The following CALHM4 variants were observed in gnomAD, a reference collection of about 807,000 sequenced individuals.
CALHM4 encodes calcium homeostasis modulator family member 4, also known as calcium homeostasis modulator protein 4.
A neutral mutation model predicts 13.3 loss-of-function variants in CALHM4; 16 were observed. That is an observed-to-expected ratio of 1.20 (90% CI 0.81 to 1.82). CALHM4 has a LOEUF of 1.82. Among genes scored for constraint, CALHM4 ranks in the 40% most tolerant of loss-of-function variants. The pLI, the probability that CALHM4 is intolerant of heterozygous loss-of-function variation, is 0.00. For synonymous variants in CALHM4, 127 were observed against 137.1 expected, an observed-to-expected ratio of 0.93 and a Z score of 0.52; for missense variants, 344 against 374.9, an observed-to-expected ratio of 0.92 and a Z score of 0.68.
chr6:116,557,596 T>C (rs192741062), intron 1 of CALHM4, among the ~76,000 whole-genome samples: 193 of 152,344 alleles, frequency 1.3e-3, no homozygotes, highest in African/African-American at 4.1e-3. Flanking sequence ...ACTGGTCAAA[T>C]TTCTTTGTAA....
intron 1 of CALHM4, among the ~76,000 whole-genome samples, chr6:116,529,729 G>T (rs1470586419): frequency 6.6e-6 from 1 of 152,094 alleles, no homozygotes; most frequent in Non-Finnish European, 1.5e-5. Context: ...TTTTTGAGAG[G>T]ACCATCAGCA....
chr6:116,550,019 TATATATAC>T (rs1258563091), upstream of CALHM4, among the ~76,000 whole-genome samples: 21 of 74,384 alleles, frequency 2.8e-4, no homozygotes, highest in South Asian at 8.4e-4. Context: ...TATATATATA[TATATATAC>T]ACACACACAC....
chr6:116,535,608 C>T (rs1773025924), intron 1 of CALHM4, among the ~76,000 whole-genome samples: 1 of 152,132 alleles, frequency 6.6e-6, no homozygotes, highest in African/African-American at 2.4e-5. Context: ...TGCAATTGCA[C>T]TTTCTACTTT....
rs1348336621 is a variant in CALHM4, at chr6:116,558,235, G to A, written c.*24G>A. 1.3e-6 allele frequency: 2 copies of A among 1,584,480 alleles called. No individual in the cohort carries two copies. The highest frequency in any genetic ancestry group is 1.7e-6 in the Non-Finnish European group (2 of 1,166,564). ...GATTACAGCACCTTTCATGAGTCAG[G>A]TTGCTTAGCAGATACTTGGCTTTTA... is the stretch of plus-strand genomic sequence containing the variant. On this transcript the variant is annotated 3_prime_UTR_variant, in exon 2 of 2. Transcript: ENST00000368596.
chr6:116,530,902 CATATAT>C (rs10557481), intron 1 of CALHM4, among the ~76,000 whole-genome samples: 8,096 of 76,296 alleles, frequency 0.11, 295 homozygotes, highest in Non-Finnish European at 0.12. Flanking sequence ...AAGTGAGACT[CATATAT>C]ATATATATAT....
At chr6:116,545,203 T>C (rs898138020) in intron 2 of CALHM4, among the ~76,000 whole-genome samples, 9 of 151,886 alleles carry the variant, frequency 5.9e-5, no homozygotes, top group Non-Finnish European at 1.2e-4. Flanking sequence ...AATATTTTCA[T>C]ATTTTCTGTC....
At chr6:116,530,443 G>A (rs1583279278) in intron 1 of CALHM4, among the ~76,000 whole-genome samples, 1 of 152,270 alleles carries the variant, frequency 6.6e-6, no homozygotes, top group South Asian at 2.1e-4. Flanking sequence ...AGCCCCACAG[G>A]ATTAGATGAC....
chr6:116,552,218 T>G (rs9488967), upstream of CALHM4, among the ~76,000 whole-genome samples: 4,797 of 152,316 alleles, frequency 0.031, 251 homozygotes, highest in African/African-American at 0.11. Context: ...TCTTTATTGT[T>G]ATTGATGAGA....
upstream of CALHM4, among the ~76,000 whole-genome samples, chr6:116,550,007 TATATATATATATATATATAC>T (rs1439169497): frequency 0.022 from 2,937 of 131,674 alleles, 48 homozygotes; most frequent in Middle Eastern, 0.085. Flanking sequence ...TATATATATA[TATATATATATATATATATAC>T]ACACACACAC....
At chr6:116,556,122 A>T (rs937282552) in intron 1 of CALHM4, among the ~76,000 whole-genome samples, 8 of 152,064 alleles carry the variant, frequency 5.3e-5, no homozygotes, top group Admixed American at 4.6e-4. Flanking sequence ...AACTCTCTTT[A>T]CCTTCTTGCA....
rs534377105 is a variant in CALHM4 at position 116,540,379 on chromosome 6, A to G, written c.-108-3386A>G. Reference sequence around the variant, plus strand: ...CATAGTTACCTGGGCAATTATGTCTATAATTTCTGAATAACTATGGCATCT... The same window carrying G: ...CATAGTTACCTGGGCAATTATGTCTGTAATTTCTGAATAACTATGGCATCT... On this transcript the variant is annotated intron_variant, in intron 1 of 2. Transcript: ENST00000368597. 3.9e-5 allele frequency: 61 copies of G among 1,551,208 alleles called. No individual in the cohort carries two copies. In the East Asian group the frequency reaches 1.1e-3, roughly 27 times the overall value.
In CALHM4 at chr6:116,546,905, A is replaced by C. The variant is rs79069246; in HGVS notation, c.-1+3033A>C. ...GTGGAGAGTTTTTCAGTAGCAAATA[A>C]TAACGACTTATATGTATATCAAATT... On this transcript the variant is annotated intron_variant, in intron 2 of 2. Transcript: ENST00000368597. Among the ~76,000 whole-genome samples, 490 of 152,286 alleles carry C rather than the reference A, an allele frequency of 3.2e-3. 2 individuals carry two copies. The highest frequency in any genetic ancestry group is 6.8e-3 in the Middle Eastern group (2 of 294).
At chr6:116,549,405 A>G (rs1288013419), upstream of CALHM4, among the ~76,000 whole-genome samples, 2 of 152,142 alleles carry the variant, frequency 1.3e-5, no homozygotes, top group African/African-American at 4.8e-5. Context: ...GCTTTTTTAA[A>G]TTTTTGTGTT....
rs753978288 is a variant in CALHM4 at position 116,559,975 on chromosome 6, T to C, written c.*1764T>C. Among the ~76,000 whole-genome samples the C allele has an allele frequency of 6.6e-6, 1 of 152,156 alleles. No homozygotes were observed. Among genetic ancestry groups the C allele is most frequent in the African/African-American group, 2.4e-5 (1 of 41,430 alleles). ...GTCATCAAGGAAAGCCATTCCAGTT[T>C]GTCTACTAACTCTACACTCAGTACT... is the stretch of plus-strand genomic sequence containing the variant. On this transcript the variant is annotated 3_prime_UTR_variant, in exon 2 of 2. Coordinates refer to ENST00000368596, the MANE Select transcript of CALHM4 (RefSeq NM_001366078.2).
intron 1 of CALHM4, among the ~76,000 whole-genome samples, chr6:116,539,974 C>T (rs1773334134): frequency 6.6e-6 from 1 of 152,120 alleles, no homozygotes; most frequent in South Asian, 2.1e-4. Context: ...CTGGGAATGA[C>T]TAAACAATAT....
At chr6:116,545,555 C>T (rs530635327) in intron 2 of CALHM4, 5 of 1,530,880 alleles carry the variant, frequency 3.3e-6, no homozygotes, top group Non-Finnish European at 4.4e-6. Context: ...AATTTCTCTT[C>T]TTTTGCCTGT....
intron 1 of CALHM4, chr6:116,540,415 G>C: frequency 6.4e-7 from 1 of 1,551,288 alleles, no homozygotes; most frequent in Non-Finnish European, 8.7e-7. Context: ...TCCCACGCAG[G>C]ATCGAGCCAA....
chr6:116,558,429 T>C lies in CALHM4; in HGVS notation c.*218T>C. ...GCCAATGGTCTGGTAATGCCTAGAGTGGAATGTGAAGTCACATGGAAATTT... is the reference window on the plus strand; with the variant it reads ...GCCAATGGTCTGGTAATGCCTAGAGCGGAATGTGAAGTCACATGGAAATTT... On this transcript the variant is annotated 3_prime_UTR_variant, in exon 2 of 2. Transcript: ENST00000368596. 8.0e-6 allele frequency: 4 copies of C among 502,596 alleles called. No homozygotes were observed. Among genetic ancestry groups the C allele is most frequent in the Non-Finnish European group, 1.4e-5 (4 of 292,630 alleles). 31.1% of individuals were successfully genotyped at this position (502,596 alleles called of 1,614,324 possible). A position where few individuals can be genotyped will look rare whatever the true frequency, so the allele number is the denominator to read the frequency against.
rs1311496155 is a variant in CALHM4 at position 116,560,660 on chromosome 6, G to T, written c.*2449G>T. On this transcript the variant is annotated 3_prime_UTR_variant, in exon 2 of 2. Coordinates refer to ENST00000368596, the MANE Select transcript of CALHM4 (RefSeq NM_001366078.2). ...GAATTTTTAGTATTTTGGGGGGGGG[G>T]GGGGCTATGGTCTATAGCATTTTTT... Among the ~76,000 whole-genome samples, 1 of 142,082 alleles carries T rather than the reference G, an allele frequency of 7.0e-6. No individual in the cohort carries two copies. Among genetic ancestry groups the T allele is most frequent in the Non-Finnish European group, 1.5e-5 (1 of 65,036 alleles). The allele number at this position is 142,082 out of a possible 152,430, so 93.2% of individuals were successfully genotyped here. A position where few individuals can be genotyped will look rare whatever the true frequency, so the allele number is the denominator to read the frequency against.
Sources: allele counts gnomAD v4.1 joint callset (sites outside exome capture counted in the v4.1 genomes callset), GRCh38; gene constraint gnomAD v4.1.1; transcripts MANE v1.5; gene names NCBI Gene and HGNC (gene_info 2026-07-23, HGNC 2026-07-21).